COA1: variants seen among roughly 807,000 people sequenced by gnomAD.
COA1 encodes the protein cytochrome c oxidase assembly factor 1 homolog.
COA1 carries 13 observed loss-of-function variants against 16.0 expected under a neutral mutation model. The observed-to-expected ratio is 0.81, with a 90% CI of 0.53 to 1.29. The LOEUF is 1.29. COA1 is among the 50% of genes most tolerant of loss of function. The probability of loss-of-function intolerance (pLI) is 0.00; values close to 1 mark genes in which losing one functional copy is unlikely to be tolerated. For missense variants in COA1, 179 were observed against 177.0 expected (o/e 1.01, Z -0.06); for synonymous variants, 65 against 65.7 (o/e 0.99, Z 0.05).
rs2090004787 is a variant in COA1, at chr7:43,648,350, C to G, written c.15+250G>C. On this transcript the variant is annotated intron_variant, in intron 2 of 5. Coordinates refer to ENST00000223336, the MANE Select transcript of COA1 (RefSeq NM_018224.4). ...TTGAAGAGAGCTCAACAGGGTGAGGCAGCCAGACTGGGTTATGGAGAGGTT... is the reference window on the plus strand; with the variant it reads ...TTGAAGAGAGCTCAACAGGGTGAGGGAGCCAGACTGGGTTATGGAGAGGTT... 1.6e-5 allele frequency: 9 copies of G among 577,520 alleles called. No homozygotes were observed. The South Asian group carries it at 1.7e-4, about 11-fold the overall frequency. The allele number at this position is 577,520 out of a possible 1,614,324, so 35.8% of individuals were successfully genotyped here.
chr7:43,610,346 CA>C (rs138859141), intron 6 of COA1, among the ~76,000 whole-genome samples: 1,467 of 41,268 alleles, frequency 0.036, 7 homozygotes, highest in African/African-American at 0.15. Flanking sequence ...GACTCCGTCT[CA>C]AAAAAAAAAA....
intron 1 of COA1, among the ~76,000 whole-genome samples, chr7:43,673,335 C>G (rs1193456048): frequency 1.3e-5 from 2 of 152,104 alleles, no homozygotes; most frequent in African/African-American, 2.4e-5. Context: ...GGGCAAAGGA[C>G]ATGAACAGAC....
rs572518055 is a variant in COA1, at chr7:43,689,103, T to G, written c.-39+40326A>C. Among the ~76,000 whole-genome samples the G allele has an allele frequency of 1.6e-4, 24 of 152,336 alleles. No individual in the cohort carries two copies. The South Asian group carries it at 4.6e-3, about 29-fold the overall frequency. On this transcript the variant is annotated intron_variant, in intron 1 of 5. Transcript: ENST00000223336. ...TAAACCAACCCAATAAGAAGTTATA[T>G]TCACACAACCATCACCTTTGCCTGG... is the stretch of plus-strand genomic sequence containing the variant.
downstream of COA1, among the ~76,000 whole-genome samples, chr7:43,637,574 G>A (rs1234137700): frequency 6.6e-6 from 1 of 152,106 alleles, no homozygotes; most frequent in African/African-American, 2.4e-5. Flanking sequence ...TGGATATACA[G>A]GAAACAGTGG....
intron 1 of COA1, among the ~76,000 whole-genome samples, chr7:43,674,704 G>A (rs994583244): frequency 8.6e-5 from 13 of 151,328 alleles, no homozygotes; most frequent in African/African-American, 2.4e-4. Context: ...TCAAGGACAC[G>A]ATTTCCTTGA....
intron 1 of COA1, among the ~76,000 whole-genome samples, chr7:43,688,126 G>A (rs974155664): frequency 5.9e-5 from 9 of 152,170 alleles, no homozygotes; most frequent in Non-Finnish European, 1.3e-4. Context: ...GGAACTGTAA[G>A]TCCAATTAAA....
intron 1 of COA1, among the ~76,000 whole-genome samples, chr7:43,725,381 T>C (rs1346854828): frequency 6.6e-6 from 1 of 152,128 alleles, no homozygotes; most frequent in African/African-American, 2.4e-5. Context: ...GTATATTCTA[T>C]CACAATTTTA....
chr7:43,710,375 A>AAATATAT (rs761592421), intron 1 of COA1, among the ~76,000 whole-genome samples: 6 of 36,446 alleles, frequency 1.6e-4, no homozygotes, highest in African/African-American at 3.9e-4. Flanking sequence ...AAAAAAAAAA[A>AAATATAT]ATATATATAT....
chr7:43,710,546 A>T (rs2095210245), intron 1 of COA1, among the ~76,000 whole-genome samples: 1 of 151,728 alleles, frequency 6.6e-6, no homozygotes, highest in Admixed American at 6.6e-5. Flanking sequence ...GAAAAGATTT[A>T]TGGATGATTC....
chr7:43,629,953 T>C (rs892267348), intron 6 of COA1, among the ~76,000 whole-genome samples: 2 of 152,228 alleles, frequency 1.3e-5, no homozygotes, highest in Non-Finnish European at 2.9e-5. Flanking sequence ...TTTTAATAAC[T>C]AGAGGACAGT....
intron 1 of COA1, among the ~76,000 whole-genome samples, chr7:43,706,240 T>A (rs1346794516): frequency 6.6e-6 from 1 of 152,138 alleles, no homozygotes; most frequent in African/African-American, 2.4e-5. Flanking sequence ...AAAGTATATA[T>A]TAATATTAGA....
intron 1 of COA1, among the ~76,000 whole-genome samples, chr7:43,724,332 C>A (rs2095568594): frequency 6.6e-6 from 1 of 152,066 alleles, no homozygotes; most frequent in South Asian, 2.1e-4. Context: ...GTGGGCGGAT[C>A]CCTTGAGGTC....
chr7:43,688,776 AATGT>A, intron 1 of COA1, among the ~76,000 whole-genome samples: 1 of 152,210 alleles, frequency 6.6e-6, no homozygotes, highest in Non-Finnish European at 1.5e-5. Context: ...CCTGCCATCA[AATGT>A]ACATAATAGC....
intron 1 of COA1, among the ~76,000 whole-genome samples, chr7:43,661,822 C>T (rs2092463305): frequency 6.6e-6 from 1 of 152,030 alleles, no homozygotes; most frequent in Non-Finnish European, 1.5e-5. Flanking sequence ...TGTTACTTGT[C>T]CTGAAAAGGA....
intron 6 of COA1, chr7:43,631,135 A>C (rs1006605094): frequency 6.6e-6 from 1 of 151,926 alleles, no homozygotes; most frequent in African/African-American, 2.4e-5. Context: ...GGGTAGACTC[A>C]TTCAACAAAT....
chr7:43,613,065 A>G (rs1042199545), intron 6 of COA1, among the ~76,000 whole-genome samples: 2 of 152,218 alleles, frequency 1.3e-5, no homozygotes, highest in Non-Finnish European at 2.9e-5. Context: ...TAGTCCTGTC[A>G]GAGGGAGGGA....
chr7:43,724,090 CT>C (rs1275369804), intron 1 of COA1, among the ~76,000 whole-genome samples: 1 of 152,102 alleles, frequency 6.6e-6, no homozygotes, highest in Non-Finnish European at 1.5e-5. Context: ...GGAAATAGTC[CT>C]TTGGAAAGGT....
intron 1 of COA1, among the ~76,000 whole-genome samples, chr7:43,664,103 A>AGAGAGAGAGAGAGAGAGAG (rs2092695982): frequency 1.5e-5 from 2 of 135,230 alleles, no homozygotes; most frequent in South Asian, 2.6e-4. Context: ...TGTCTTTAGA[A>AGAGAGAGAGAGAGAGAGAG]AGAGAGAGAG....
intron 6 of COA1, among the ~76,000 whole-genome samples, chr7:43,615,863 C>G (rs1289113464): frequency 6.6e-6 from 1 of 152,164 alleles, no homozygotes; most frequent in Non-Finnish European, 1.5e-5. Flanking sequence ...TCTTTTTTAA[C>G]ATTGTCCTCT....
Sources: allele counts gnomAD v4.1 joint callset (sites outside exome capture counted in the v4.1 genomes callset), GRCh38; gene constraint gnomAD v4.1.1; transcripts MANE v1.5; gene names NCBI Gene and HGNC (gene_info 2026-07-23, HGNC 2026-07-21).